DCDC2C: variants seen among roughly 807,000 people sequenced by gnomAD.
DCDC2C encodes doublecortin domain containing 2C, also known as doublecortin domain-containing protein 2C.
Under a neutral mutation model 45.0 loss-of-function variants are expected in DCDC2C, and 44 were observed. The ratio of observed to expected loss-of-function variants is 0.98; its 90% CI spans 0.77 to 1.26. The LOEUF (loss-of-function observed/expected upper bound fraction) is 1.26, where lower values mean the gene tolerates loss of function less well. DCDC2C is among the 50% of genes most tolerant of loss of function. The pLI, the probability that DCDC2C is intolerant of heterozygous loss-of-function variation, is 0.00. For synonymous variants in DCDC2C, 187 were observed against 178.8 expected, an observed-to-expected ratio of 1.05 and a Z score of -0.37; for missense variants, 447 against 468.9, an observed-to-expected ratio of 0.95 and a Z score of 0.43.
chr2:3,710,731 A>T (rs1052410409), intron 2 of DCDC2C, among the ~76,000 whole-genome samples: 3 of 151,948 alleles, frequency 2.0e-5, no homozygotes, highest in African/African-American at 7.3e-5. Context: ...GAGAACATGG[A>T]GTGTTTGGTT....
At chr2:3,751,680 A>C (rs1669546678) in intron 4 of DCDC2C, among the ~76,000 whole-genome samples, 1 of 151,988 alleles carries the variant, frequency 6.6e-6, no homozygotes, top group African/African-American at 2.4e-5. Context: ...CCTCCTTTCC[A>C]TGCCCCCTGC....
At chr2:3,829,380 G>A (rs1007146170) in intron 10 of DCDC2C, among the ~76,000 whole-genome samples, 1 of 151,052 alleles carries the variant, frequency 6.6e-6, no homozygotes, top group African/African-American at 2.4e-5. Context: ...AATTAGCTTG[G>A]CTCTGTGAGG....
chr2:3,718,600 G>T (rs565524889), intron 2 of DCDC2C, among the ~76,000 whole-genome samples: 80 of 152,286 alleles, frequency 5.3e-4, no homozygotes, highest in African/African-American at 1.8e-3. Context: ...GGGCCTTGTG[G>T]ACTAGGGGGC....
At chr2:3,745,897 G>T (rs949111516) in intron 4 of DCDC2C, among the ~76,000 whole-genome samples, 1 of 150,454 alleles carries the variant, frequency 6.6e-6, no homozygotes, top group Non-Finnish European at 1.5e-5. Context: ...TTTTTTGGTA[G>T]AGATGAGGTC....
chr2:3,739,556 C>T (rs1422770620), intron 3 of DCDC2C, among the ~76,000 whole-genome samples: 2 of 152,244 alleles, frequency 1.3e-5, no homozygotes, highest in African/African-American at 2.4e-5. Flanking sequence ...GGCAGGCCGC[C>T]GACCGGCAGA....
At chr2:3,815,640 C>T (rs868598380) in intron 10 of DCDC2C, among the ~76,000 whole-genome samples, 5 of 152,178 alleles carry the variant, frequency 3.3e-5, no homozygotes, top group South Asian at 4.2e-4. Context: ...GGGCTGAGTC[C>T]GAAGAGTCAG....
intron 9 of DCDC2C, among the ~76,000 whole-genome samples, chr2:3,781,840 G>C (rs1449369087): frequency 6.6e-6 from 1 of 152,144 alleles, no homozygotes; most frequent in East Asian, 1.9e-4. Context: ...ACTCCAGCCT[G>C]GGTGACAGAG....
At chr2:3,831,793 C>T (rs1016611675) in intron 10 of DCDC2C, among the ~76,000 whole-genome samples, 24 of 152,294 alleles carry the variant, frequency 1.6e-4, no homozygotes, top group African/African-American at 5.3e-4. Flanking sequence ...TAAGGCAGAG[C>T]GCTCCGCCTC....
chr2:3,778,468 C>T (rs1670414072), intron 8 of DCDC2C, among the ~76,000 whole-genome samples: 1 of 152,148 alleles, frequency 6.6e-6, no homozygotes, highest in Non-Finnish European at 1.5e-5. Flanking sequence ...GGCAGGCAGG[C>T]TGTGGAGGGC....
Position 3,754,681 on chromosome 2 carries a change from C to A in DCDC2C, c.726+47C>A, listed in dbSNP as rs766841814. 4.3e-4 allele frequency: 647 copies of A among 1,509,916 alleles called. 1 individual carries two copies. The highest frequency in any genetic ancestry group is 5.1e-4 in the Middle Eastern group (3 of 5,922). The allele number at this position is 1,509,916 out of a possible 1,614,324, so 93.5% of individuals were successfully genotyped here. On this transcript the variant is annotated intron_variant, in intron 6 of 10. Transcript: ENST00000399143. ...GTAAGTAACTTGTTTCTGATTCTGG[C>A]GTCTTCTGGCATTAACAAGGGCACA...
intron 6 of DCDC2C, among the ~76,000 whole-genome samples, chr2:3,763,660 G>T (rs544068318): frequency 1.3e-5 from 2 of 152,234 alleles, no homozygotes; most frequent in African/African-American, 4.8e-5. Flanking sequence ...TGTTCCCATT[G>T]TCTGACTGTA....
rs1668789682 is a variant in DCDC2C, at chr2:3,729,271, G to C, written c.416+2192G>C. ...AGTGGGAAGAGAAGAGCCCACCCCA[G>C]GGCTCCTCTGTGGGGAGGAGGCACG... On this transcript the variant is annotated intron_variant, in intron 3 of 10. Coordinates refer to ENST00000399143, the MANE Select transcript of DCDC2C (RefSeq NM_001287444.2). 3.3e-5 allele frequency among the ~76,000 whole-genome samples: 5 copies of C among 152,212 alleles called. No individual in the cohort carries two copies. The South Asian group carries it at 1.0e-3, about 31-fold the overall frequency.
intron 3 of DCDC2C, among the ~76,000 whole-genome samples, chr2:3,729,593 C>A (rs1302772002): frequency 6.6e-6 from 1 of 152,184 alleles, no homozygotes; most frequent in Admixed American, 6.5e-5. Context: ...TGCAAGCTGG[C>A]AGTTCTGGAA....
At chr2:3,770,031 C>A (rs1220798680) in intron 8 of DCDC2C, among the ~76,000 whole-genome samples, 2 of 152,138 alleles carry the variant, frequency 1.3e-5, no homozygotes, top group Non-Finnish European at 2.9e-5. Context: ...GGGGTCAGGC[C>A]AGGGTTCCAG....
chr2:3,770,933 G>A (rs7559345), intron 8 of DCDC2C, among the ~76,000 whole-genome samples: 72,456 of 152,132 alleles, frequency 0.48, 17,532 homozygotes, highest in East Asian at 0.67. Flanking sequence ...CCCACCAGCC[G>A]TGGAGGAGGA....
chr2:3,741,893 T>C (rs1174314654), intron 3 of DCDC2C, 27 bp from the exon 4 acceptor site: 1 of 1,535,756 alleles, frequency 6.5e-7, no homozygotes, highest in African/African-American at 1.4e-5. Context: ...AAGGTATTAA[T>C]GGATGCTTTT....
At chr2:3,815,896 G>T (rs1671546501) in intron 10 of DCDC2C, among the ~76,000 whole-genome samples, 2 of 152,330 alleles carry the variant, frequency 1.3e-5, no homozygotes, top group African/African-American at 4.8e-5. Context: ...GGTCACAGGG[G>T]ATATGATGGC....
At position 3,708,610 on chromosome 2, in the gene DCDC2C, T is replaced by G; in HGVS notation, c.339+10T>G. The stretch of plus-strand genomic sequence containing the variant: ...AAGGAAGTTGAAGGAAGTAAGTGTT[T>G]GCTTCTAACAACTAATAATGGAATA... On this transcript the variant is annotated intron_variant, in intron 2 of 10. Transcript: ENST00000399143. 2 of 1,546,940 alleles carry G rather than the reference T, an allele frequency of 1.3e-6. No individual in the cohort carries two copies. The highest frequency in any genetic ancestry group is 1.7e-6 in the Non-Finnish European group (2 of 1,144,310).
intron 6 of DCDC2C, among the ~76,000 whole-genome samples, chr2:3,755,908 G>A (rs1415569014): frequency 6.6e-6 from 1 of 152,098 alleles, no homozygotes; most frequent in Non-Finnish European, 1.5e-5. Flanking sequence ...GTGTATGTAT[G>A]TATTCACATG....
Sources: gnomAD v4.1 joint callset for allele counts (sites outside exome capture counted in the v4.1 genomes callset) on GRCh38, gnomAD v4.1.1 for gene constraint, MANE v1.5 for transcripts, NCBI Gene and HGNC (gene_info 2026-07-23, HGNC 2026-07-21) for gene names.